Variants in PHF14 observed in about 807,000 individuals in gnomAD.
PHF14 encodes PHD finger protein 14.
PHF14 carries 55 observed loss-of-function variants against 117.9 expected under a neutral mutation model. The ratio of observed to expected loss-of-function variants is 0.47; its 90% CI spans 0.38 to 0.58. The LOEUF is 0.58. PHF14 is among the 20% of genes least tolerant of loss of function. The pLI is 0.00. For missense variants in PHF14, 978 were observed against 1,122.2 expected, an observed-to-expected ratio of 0.87 and a Z score of 1.84; for synonymous variants, 409 against 368.6, an observed-to-expected ratio of 1.11 and a Z score of -1.26.
In PHF14 at chr7:11,169,515, A is replaced by T; in HGVS notation, c.*25A>T. ...AAAGATTTTCTGTAGTGTTTTTGAA[A>T]AGTTTGCAGCTTATGTAATAGCAGA... On this transcript the variant is annotated 3_prime_UTR_variant, in exon 18 of 18. Transcript: ENST00000634607. 1 of 1,168,784 alleles carries T rather than the reference A, an allele frequency of 8.6e-7. No homozygotes were observed. Among genetic ancestry groups the T allele is most frequent in the Non-Finnish European group, 1.2e-6 (1 of 834,860 alleles). 72.4% of individuals were successfully genotyped at this position (1,168,784 alleles called of 1,614,324 possible).
intron 4 of PHF14, among the ~76,000 whole-genome samples, chr7:10,998,455 T>TAC (rs937072300): frequency 2.6e-5 from 4 of 152,044 alleles, no homozygotes; most frequent in Admixed American, 1.3e-4. Context: ...TATGTATATA[T>TAC]ACACACACAT....
In PHF14 at chr7:11,111,420, A is replaced by G. The variant is rs1471058659; in HGVS notation, c.2725A>G (p.Thr909Ala). 6.2e-7 allele frequency: 1 copy of G among 1,607,828 alleles called. No homozygotes were observed. The highest frequency in any genetic ancestry group is 1.3e-5 in the African/African-American group (1 of 74,924). ...TCCTTTGAAAAAGTCTCCTAAACAG[A>G]CAGGCTACGGATGGATATGTCAGGA... is the stretch of plus-strand genomic sequence containing the variant. ...DPPLKKSPKQ[T>A]GYGWICQECD... Residue 909 changes from threonine (T) to alanine (A), a missense_variant, in exon 17 of 18, where the codon ACA becomes GCA. Thr to Ala is a moderately conservative substitution (Grantham distance 58, BLOSUM62 0). Around this residue, in one of 7 missense-constraint regions of PHF14, gnomAD observed 180 missense variants for 195.4 expected, o/e 0.92. Transcript: ENST00000634607.
At chr7:10,990,318 A>G (rs1156462348) in intron 3 of PHF14, among the ~76,000 whole-genome samples, 1 of 152,136 alleles carries the variant, frequency 6.6e-6, no homozygotes, top group Non-Finnish European at 1.5e-5. Flanking sequence ...TGCTTTTAAA[A>G]CACATGTATA....
chr7:11,097,641 C>A (rs1283914868), intron 16 of PHF14, among the ~76,000 whole-genome samples: 4 of 152,194 alleles, frequency 2.6e-5, no homozygotes, highest in African/African-American at 9.7e-5. Context: ...CTTTCCCTTA[C>A]CACAGTTAAT....
rs1214672344 is a variant in PHF14, at chr7:10,975,701, GAAAA to G, written c.112+757_112+760del. Among the ~76,000 whole-genome samples, 6 of 152,206 alleles carry G rather than the reference GAAAA, an allele frequency of 3.9e-5. No homozygotes were observed. In the East Asian group the frequency reaches 1.2e-3, roughly 29 times the overall value. ...AAAAATACTGATAAACATGAACAAT[GAAAA>G]TTATGTGTAATTCCACCTCTTTTGA... On this transcript the variant is annotated intron_variant, in intron 2 of 17. Transcript: ENST00000634607.
chr7:11,056,395 C>T (rs969365315), intron 14 of PHF14, among the ~76,000 whole-genome samples: 1 of 129,900 alleles, frequency 7.7e-6, no homozygotes, highest in African/African-American at 2.7e-5. Context: ...ATCATTAGAC[C>T]CATAGTTATT....
intron 16 of PHF14, among the ~76,000 whole-genome samples, chr7:11,083,962 A>G (rs550177222): frequency 6.6e-6 from 1 of 152,336 alleles, no homozygotes; most frequent in South Asian, 2.1e-4. Flanking sequence ...AGGTAGATTC[A>G]AGCAAAGTTT....
intron 17 of PHF14, among the ~76,000 whole-genome samples, chr7:11,135,216 T>A (rs1788185964): frequency 6.6e-6 from 1 of 152,100 alleles, no homozygotes. Flanking sequence ...CTCAGTTTCC[T>A]CATGTTAAAA....
In PHF14 at chr7:10,973,917, C is replaced by T. The variant is rs1020314958; in HGVS notation, c.-407C>T. On this transcript the variant is annotated 5_prime_UTR_variant, in exon 1 of 18. Coordinates refer to ENST00000634607, the MANE Select transcript of PHF14 (RefSeq NM_001007157.2). ...TCCGGGTCGCTGCTTTCCCTATTGT[C>T]TGAGGCAGCCGCCCTCGCGCTGTGC... The T allele has an allele frequency of 2.2e-5, 4 of 181,776 alleles. No individual in the cohort carries two copies. The highest frequency in any genetic ancestry group is 4.8e-5 in the African/African-American group (2 of 41,880). 11.3% of individuals were successfully genotyped at this position (181,776 alleles called of 1,614,324 possible). A position where few individuals can be genotyped will look rare whatever the true frequency, so the allele number is the denominator to read the frequency against.
chr7:11,065,153 TTTA>T (rs1466725292), intron 16 of PHF14, among the ~76,000 whole-genome samples: 1 of 152,086 alleles, frequency 6.6e-6, no homozygotes, highest in Non-Finnish European at 1.5e-5. Flanking sequence ...CTCAGGCAAT[TTTA>T]TTTTTTTAAG....
rs2128356199 is a variant in PHF14 at position 11,158,469 on chromosome 7, GC to G, written c.2773-10945del. On this transcript the variant is annotated intron_variant, in intron 17 of 17. Coordinates refer to ENST00000634607, the MANE Select transcript of PHF14 (RefSeq NM_001007157.2). ...ATACTATACATTACTAGTGATGTTA[GC>G]CTTGGTCCATCAGTCAAGGTAGTAT... 3.9e-5 allele frequency among the ~76,000 whole-genome samples: 6 copies of G among 152,222 alleles called. No homozygotes were observed. In the East Asian group the frequency reaches 1.2e-3, roughly 29 times the overall value.
intron 16 of PHF14, among the ~76,000 whole-genome samples, chr7:11,099,291 T>C (rs1336688790): frequency 1.3e-5 from 2 of 152,174 alleles, no homozygotes; most frequent in Non-Finnish European, 2.9e-5. Context: ...ATCAGACCTT[T>C]AAGTGTCTTT....
intron 16 of PHF14, chr7:11,103,455 G>T (rs923619533): frequency 1.0e-6 from 1 of 979,364 alleles, no homozygotes; most frequent in Non-Finnish European, 1.2e-6. Context: ...TCTTTCCAGA[G>T]GTATACAGAA....
chr7:11,106,735 A>G, intron 16 of PHF14: 1 of 983,890 alleles, frequency 1.0e-6, no homozygotes, highest in Non-Finnish European at 1.2e-6. Context: ...TTCAAGACTA[A>G]TTTTTTTGAA....
At chr7:11,073,307 A>G (rs1785695181) in intron 16 of PHF14, among the ~76,000 whole-genome samples, 2 of 152,224 alleles carry the variant, frequency 1.3e-5, no homozygotes, top group South Asian at 4.1e-4. Context: ...ACATTGGGTA[A>G]ACATTCCCAT....
chr7:11,132,130 T>C (rs1788107136), intron 17 of PHF14, among the ~76,000 whole-genome samples: 1 of 151,784 alleles, frequency 6.6e-6, no homozygotes, highest in Non-Finnish European at 1.5e-5. Flanking sequence ...AATCTACTCA[T>C]TTTGCATGAA....
At chr7:11,098,754 A>G (rs1786972322) in intron 16 of PHF14, among the ~76,000 whole-genome samples, 1 of 152,192 alleles carries the variant, frequency 6.6e-6, no homozygotes, top group Non-Finnish European at 1.5e-5. Flanking sequence ...GAGGCCTTAC[A>G]CACAGAACAG....
Position 11,168,202 on chromosome 7 carries a change from C to G in PHF14, c.2773-1214C>G, listed in dbSNP as rs377414813. Among the ~76,000 whole-genome samples, 9 of 152,132 alleles carry G rather than the reference C, an allele frequency of 5.9e-5. No individual in the cohort carries two copies. The East Asian group carries it at 9.6e-4, about 16-fold the overall frequency. On this transcript the variant is annotated intron_variant, in intron 17 of 17. Transcript: ENST00000634607. ...GGAAAAATATATCAAAGTTACATTG[C>G]CAAAATGATATTCAAAACCCCATTC...
rs1000038310 is a variant in PHF14, at chr7:11,063,264, T to G, written c.2654+1179T>G. On this transcript the variant is annotated intron_variant, in intron 16 of 17. Coordinates refer to ENST00000634607, the MANE Select transcript of PHF14 (RefSeq NM_001007157.2). ...AGTGTGTTGGGAGCTATCCTGAAGG[T>G]TAAGTTTATTAAAATTTAGGGTAAA... 14 of 984,720 alleles carry G rather than the reference T, an allele frequency of 1.4e-5. No homozygotes were observed. In the African/African-American group the frequency reaches 1.9e-4, roughly 14 times the overall value. 61.0% of individuals were successfully genotyped at this position (984,720 alleles called of 1,614,324 possible). A position where few individuals can be genotyped will look rare whatever the true frequency, so the allele number is the denominator to read the frequency against.
Sources: allele counts gnomAD v4.1 joint callset (sites outside exome capture counted in the v4.1 genomes callset), GRCh38; gene constraint gnomAD v4.1.1; regional missense constraint gnomAD v4.1.1; transcripts MANE v1.5; gene names NCBI Gene and HGNC (gene_info 2026-07-23, HGNC 2026-07-21).